The following RPS6KA2 variants were observed in gnomAD, a reference collection of about 807,000 sequenced individuals.
RPS6KA2 encodes ribosomal protein S6 kinase A2, also known as ribosomal protein S6 kinase alpha-2.
RPS6KA2 carries 42 observed loss-of-function variants against 91.8 expected under a neutral mutation model. That is an observed-to-expected ratio of 0.46 (90% CI 0.36 to 0.59). The LOEUF is 0.59. Ranked by LOEUF, RPS6KA2 falls within the 20% of genes least tolerant of loss-of-function variation. The pLI, the probability that RPS6KA2 is intolerant of heterozygous loss-of-function variation, is 0.00. For missense variants in RPS6KA2, 798 were observed against 978.5 expected, an observed-to-expected ratio of 0.82 and a Z score of 2.46; for synonymous variants, 414 against 393.6, an observed-to-expected ratio of 1.05 and a Z score of -0.61.
intron 2 of RPS6KA2, among the ~76,000 whole-genome samples, chr6:166,649,751 C>T (rs1562364326): frequency 6.6e-6 from 1 of 152,230 alleles, no homozygotes; most frequent in South Asian, 2.1e-4. Flanking sequence ...AACCAGACCC[C>T]GGGGGGTTTT....
chr6:166,469,330 T>TTTTG (rs1259378834), intron 11 of RPS6KA2, among the ~76,000 whole-genome samples: 2 of 151,452 alleles, frequency 1.3e-5, no homozygotes, highest in African/African-American at 4.9e-5. Flanking sequence ...ACTGTTGTTT[T>TTTTG]TTTTTTTTTT....
At chr6:166,668,627 C>G (rs1788386094) in intron 2 of RPS6KA2, among the ~76,000 whole-genome samples, 2 of 152,074 alleles carry the variant, frequency 1.3e-5, no homozygotes, top group Non-Finnish European at 2.9e-5. Flanking sequence ...GTCGTGACAA[C>G]CTGGGAACAC....
chr6:166,561,566 G>A (rs1784345460), intron 1 of RPS6KA2, among the ~76,000 whole-genome samples: 1 of 151,844 alleles, frequency 6.6e-6, no homozygotes, highest in East Asian at 1.9e-4. Context: ...TCTGTGGGGG[G>A]AGTCCTGGGT....
At position 166,420,020 on chromosome 6, in the gene RPS6KA2, G is replaced by A. The variant is rs113281539; in HGVS notation, c.1744-62C>T. ...CTAAGGACATTCAGATTGACAGCAC[G>A]TTTCTCCAGCGGCATCCTACGCCGG... On this transcript the variant is annotated intron_variant, in intron 17 of 20. Coordinates refer to ENST00000265678, the MANE Select transcript of RPS6KA2 (RefSeq NM_021135.6). 3.6e-4 allele frequency: 538 copies of A among 1,499,336 alleles called. 1 individual carries two copies. In the African/African-American group the frequency reaches 6.5e-3, roughly 18 times the overall value. 92.9% of individuals were successfully genotyped at this position (1,499,336 alleles called of 1,614,324 possible). A position where few individuals can be genotyped will look rare whatever the true frequency, so the allele number is the denominator to read the frequency against.
chr6:166,459,621 G>T lies in RPS6KA2; in HGVS notation c.973-70C>A. The T allele has an allele frequency of 9.1e-7, 1 of 1,094,162 alleles. No homozygotes were observed. 67.8% of individuals were successfully genotyped at this position (1,094,162 alleles called of 1,614,324 possible). ...ACATTGCCACAGAACACTGGGGACAGAGAAACCTGCTGTGGGGAGGGAAGG... is the reference window on the plus strand; with the variant it reads ...ACATTGCCACAGAACACTGGGGACATAGAAACCTGCTGTGGGGAGGGAAGG... On this transcript the variant is annotated intron_variant, in intron 11 of 20. Transcript: ENST00000265678. The surrounding 1 kb of genome is among the most constrained non-coding windows in gnomAD (Gnocchi z 4.9).
Position 166,852,035 on chromosome 6 carries a change from G to A in RPS6KA2, c.123+6165C>T, listed in dbSNP as rs775088946. 4.6e-5 allele frequency among the ~76,000 whole-genome samples: 7 copies of A among 152,022 alleles called. No homozygotes were observed. The highest frequency in any genetic ancestry group is 3.2e-3 in the Middle Eastern group (1 of 316). ...CATGAAGCCAATGTTATTCTCACCCGCTCCACAGTGCGTCTAAACACAGAT... is the reference window on the plus strand; with the variant it reads ...CATGAAGCCAATGTTATTCTCACCCACTCCACAGTGCGTCTAAACACAGAT... On this transcript the variant is annotated intron_variant, in intron 2 of 21. Coordinates refer to the RPS6KA2 transcript ENST00000503859. The surrounding 1 kb of genome is among the most constrained non-coding windows in gnomAD (Gnocchi z 4.1).
chr6:166,479,594 C>T (rs981225808), intron 10 of RPS6KA2, among the ~76,000 whole-genome samples: 5 of 152,342 alleles, frequency 3.3e-5, no homozygotes, highest in African/African-American at 1.2e-4. Flanking sequence ...CAAGGTGGGG[C>T]GTGTGCTAGC....
intron 16 of RPS6KA2, among the ~76,000 whole-genome samples, chr6:166,424,723 G>T (rs1405872397): frequency 6.6e-6 from 1 of 152,220 alleles, no homozygotes; most frequent in African/African-American, 2.4e-5. Flanking sequence ...CTGGATCACG[G>T]TGAGGCCCAC....
At chr6:166,545,861 G>A (rs938300613) in intron 1 of RPS6KA2, among the ~76,000 whole-genome samples, 3 of 152,178 alleles carry the variant, frequency 2.0e-5, no homozygotes, top group African/African-American at 7.2e-5. Flanking sequence ...ATGGAGCGCC[G>A]CCACTTTTGC....
intron 2 of RPS6KA2, among the ~76,000 whole-genome samples, chr6:166,647,884 A>G (rs1787679870): frequency 6.8e-6 from 1 of 148,130 alleles, no homozygotes; most frequent in Non-Finnish European, 1.5e-5. Flanking sequence ...ATGCTGACAC[A>G]CATACATACA....
At chr6:166,539,879 A>G (rs189537298) in intron 1 of RPS6KA2, among the ~76,000 whole-genome samples, 3 of 152,356 alleles carry the variant, frequency 2.0e-5, no homozygotes, top group Admixed American at 1.3e-4. Flanking sequence ...TCCACTATCT[A>G]TACATTCGTA....
chr6:166,832,927 T>C (rs1399691543), intron 2 of RPS6KA2, among the ~76,000 whole-genome samples: 4 of 152,260 alleles, frequency 2.6e-5, no homozygotes, highest in Admixed American at 6.5e-5. Context: ...AAATGTCTCA[T>C]TGCAAATAGA....
At chr6:166,854,847 T>A (rs1780845568) in intron 2 of RPS6KA2, among the ~76,000 whole-genome samples, 2 of 152,186 alleles carry the variant, frequency 1.3e-5, no homozygotes, top group African/African-American at 4.8e-5. Flanking sequence ...ACTAGGTATC[T>A]ACCCTAAGAA....
At chr6:166,524,432 C>A (rs999459125) in intron 3 of RPS6KA2, among the ~76,000 whole-genome samples, 72 of 152,212 alleles carry the variant, frequency 4.7e-4, no homozygotes, top group African/African-American at 1.7e-3. Flanking sequence ...GAAGGGCGCA[C>A]CTGTGTTCTC....
chr6:166,663,943 T>C (rs1788241225), intron 2 of RPS6KA2, among the ~76,000 whole-genome samples: 2 of 152,250 alleles, frequency 1.3e-5, no homozygotes, highest in South Asian at 4.1e-4. Context: ...ACAAACCACT[T>C]AGACTTGAGA....
intron 2 of RPS6KA2, among the ~76,000 whole-genome samples, chr6:166,717,318 C>T (rs1790040746): frequency 1.3e-5 from 2 of 152,190 alleles, no homozygotes; most frequent in Non-Finnish European, 2.9e-5. Flanking sequence ...CAGAGAGCTG[C>T]AGAATGGCCC....
chr6:166,509,314 C>T (rs779728737), intron 4 of RPS6KA2: 3 of 169,924 alleles, frequency 1.8e-5, no homozygotes, highest in Non-Finnish European at 4.4e-5. Context: ...GAAAAGCACC[C>T]TAGCAAGTAA....
chr6:166,533,960 C>T lies in RPS6KA2; in HGVS notation c.217-2647G>A, dbSNP rs1783385266. On this transcript the variant is annotated intron_variant, in intron 2 of 20. Transcript: ENST00000265678. This position sits in a 1 kb window ranked among gnomAD's most constrained non-coding sequence, Gnocchi z 4.0. Reference sequence around the variant, plus strand: ...AATTAGGGCTGGGTGCGGTGGCTCACGCCTGTAATCCCAGCACTTTGGGAG... The same window carrying T: ...AATTAGGGCTGGGTGCGGTGGCTCATGCCTGTAATCCCAGCACTTTGGGAG... Among the ~76,000 whole-genome samples, 3 of 152,058 alleles carry T rather than the reference C, an allele frequency of 2.0e-5. No homozygotes were observed. The highest frequency in any genetic ancestry group is 2.9e-5 in the Non-Finnish European group (2 of 68,016).
chr6:166,754,632 G>A (rs1303880878), intron 2 of RPS6KA2, among the ~76,000 whole-genome samples: 3 of 152,144 alleles, frequency 2.0e-5, no homozygotes, highest in Non-Finnish European at 4.4e-5. Context: ...GCACTCCTGG[G>A]TGAGTTGCCT....
Sources: gnomAD v4.1 joint callset for allele counts (sites outside exome capture counted in the v4.1 genomes callset) on GRCh38, gnomAD v4.1.1 for gene constraint, Gnocchi (gnomAD v3.1) non-coding constraint, MANE v1.5 for transcripts, NCBI Gene and HGNC (gene_info 2026-07-23, HGNC 2026-07-21) for gene names.